The following PARP1 variants were observed in gnomAD, a reference collection of about 807,000 sequenced individuals.
PARP1 encodes the protein poly(ADP-ribose) polymerase 1, also known as poly [ADP-ribose] polymerase 1.
Under a neutral mutation model 118.7 loss-of-function variants are expected in PARP1, and 44 were observed. The ratio of observed to expected loss-of-function variants is 0.37; its 90% CI spans 0.29 to 0.48. The LOEUF (loss-of-function observed/expected upper bound fraction) is 0.48, where lower values mean the gene tolerates loss of function less well. Ranked by LOEUF, PARP1 falls within the 20% of genes least tolerant of loss-of-function variation. PARP1 has a pLI of 0.99. For synonymous variants in PARP1, 492 were observed against 483.2 expected, an observed-to-expected ratio of 1.02 and a Z score of -0.24; for missense variants, 1,100 against 1,272.4, an observed-to-expected ratio of 0.86 and a Z score of 2.06.
At chr1:226,376,246 TTA>T (rs1664484485) in intron 13 of PARP1, among the ~76,000 whole-genome samples, 1 of 152,188 alleles carries the variant, frequency 6.6e-6, no homozygotes, top group Admixed American at 6.5e-5. Flanking sequence ...TTTTATCTGA[TTA>T]AAAAAGTGAT....
chr1:226,370,205 T>C (rs1262628602), intron 15 of PARP1, among the ~76,000 whole-genome samples: 1 of 152,188 alleles, frequency 6.6e-6, no homozygotes, highest in Non-Finnish European at 1.5e-5. Context: ...GTTTACTAAG[T>C]ATCTGACAAC....
At chr1:226,377,034 G>T in intron 13 of PARP1, 74 bp downstream of exon 13, 1 of 1,277,644 alleles carries the variant, frequency 7.8e-7, no homozygotes, top group Admixed American at 1.7e-5. Flanking sequence ...CCTGATCCAC[G>T]ATGTGGATTT....
At chr1:226,402,535 C>T (rs188622688) in intron 1 of PARP1, among the ~76,000 whole-genome samples, 156 bp from the exon 2 acceptor site, 3 of 152,348 alleles carry the variant, frequency 2.0e-5, no homozygotes, top group African/African-American at 4.8e-5. Context: ...GGACAGCCTC[C>T]GCTCTCACAT....
chr1:226,404,133 T>C (rs775630411), intron 1 of PARP1, among the ~76,000 whole-genome samples: 6 of 150,822 alleles, frequency 4.0e-5, no homozygotes, highest in Admixed American at 6.6e-5. Context: ...ATGCATTTGG[T>C]GATTATTTCA....
intron 9 of PARP1, among the ~76,000 whole-genome samples, 156 bp from the exon 10 acceptor site, chr1:226,380,320 C>T (rs1401730890): frequency 6.6e-6 from 1 of 152,200 alleles, no homozygotes; most frequent in Non-Finnish European, 1.5e-5. Flanking sequence ...GTGTTTTTAT[C>T]AGCAACATTC....
chr1:226,371,773 C>T (rs1384372524), intron 14 of PARP1, among the ~76,000 whole-genome samples: 5 of 152,132 alleles, frequency 3.3e-5, no homozygotes, highest in Non-Finnish European at 5.9e-5. Context: ...CTCTGAAGGG[C>T]GCGACATTTT....
chr1:226,398,167 C>T (rs1664962553), intron 2 of PARP1, among the ~76,000 whole-genome samples: 1 of 152,108 alleles, frequency 6.6e-6, no homozygotes. Context: ...ATTAACTAGA[C>T]TTCACAAAAT....
At chr1:226,383,222 C>A (rs773073135) in intron 7 of PARP1, 39 bp from the exon 8 acceptor site, 1 of 1,582,224 alleles carries the variant, frequency 6.3e-7, no homozygotes, top group Non-Finnish European at 8.7e-7. Flanking sequence ...GCCAGCTCTC[C>A]CTTGAGGTAA....
chr1:226,383,312 A>G, intron 7 of PARP1, 129 bp from the exon 8 acceptor site: 6 of 745,582 alleles, frequency 8.0e-6, no homozygotes, highest in Non-Finnish European at 1.4e-5. Context: ...AGAGTAACAA[A>G]AAATAGAAAA....
chr1:226,368,602 C>A (rs1165429246), intron 15 of PARP1, among the ~76,000 whole-genome samples: 1 of 152,196 alleles, frequency 6.6e-6, no homozygotes, highest in Non-Finnish European at 1.5e-5. Context: ...GAAACCCCGC[C>A]ACAACTATGC....
rs780414075 is a variant in PARP1, at chr1:226,390,525, C to T, written c.502G>A (p.Glu168Lys). 2.5e-6 allele frequency: 4 copies of T among 1,614,232 alleles called. No homozygotes were observed. ...TACTCGGGCCGGAAACCCAGCTCCT[C>T]CCTGTTCTTGACAAAGCAGCCTGGA... Reference protein sequence around the residue: ...YHPGCFVKNREELGFRPEYSA... With the variant: ...YHPGCFVKNRKELGFRPEYSA... The change falls in exon 4 of 23, where the codon GAG becomes AAG. Residue 168 changes from glutamate (E) to lysine (K), a missense_variant. By Grantham distance (56) the Glu-to-Lys change is moderately conservative. Transcript: ENST00000366794.
intron 12 of PARP1, 136 bp downstream of exon 12, chr1:226,379,002 ATTTG>A: frequency 9.8e-7 from 1 of 1,018,964 alleles, no homozygotes; most frequent in South Asian, 1.3e-5. Context: ...AGGCCTTATA[ATTTG>A]TTTTTGATCT....
chr1:226,407,676 C>G (rs892348), intron 1 of PARP1, 134 bp downstream of exon 1: 112,398 of 811,772 alleles, frequency 0.14, 9,815 homozygotes, highest in East Asian at 0.35. Context: ...GCGGCCGCGG[C>G]CCCATAGGCC....
chr1:226,370,721 C>T (rs1009426552), intron 14 of PARP1: 1 of 632,656 alleles, frequency 1.6e-6, no homozygotes, highest in Non-Finnish European at 2.9e-6. Flanking sequence ...AAGATTCTTG[C>T]TCACTTCCTT....
rs766566114 is a variant in PARP1, at chr1:226,368,316, C to T, written c.2160G>A (p.Val720=). ...TCTGAGAGTCGCTGCTGCCCTGAGACACCGCCTGGAGAGGAGGGGACAGAA... is the reference window on the plus strand; with the variant it reads ...TCTGAGAGTCGCTGCTGCCCTGAGATACCGCCTGGAGAGGAGGGGACAGAA... The part of the protein sequence containing the change: ...YSILSEVQQA[V]SQGSSDSQIL... Residue 720 remains valine, a synonymous_variant, in exon 16 of 23, where the codon GTG becomes GTA. Coordinates refer to ENST00000366794, the MANE Select transcript of PARP1 (RefSeq NM_001618.4). 6.2e-7 allele frequency: 1 copy of T among 1,614,082 alleles called. No homozygotes were observed. Among genetic ancestry groups the T allele is most frequent in the Non-Finnish European group, 8.5e-7 (1 of 1,180,040 alleles).
chr1:226,393,761 T>C (rs1664861555), intron 2 of PARP1, among the ~76,000 whole-genome samples: 1 of 152,190 alleles, frequency 6.6e-6, no homozygotes, highest in East Asian at 1.9e-4. Context: ...TGTCTATAAC[T>C]CAACGGGGTC....
At chr1:226,395,969 T>C (rs1327767241) in intron 2 of PARP1, among the ~76,000 whole-genome samples, 2 of 152,140 alleles carry the variant, frequency 1.3e-5, no homozygotes, top group Admixed American at 6.5e-5. Context: ...TTTGGGAAGA[T>C]GAAAAAGTTC....
Position 226,380,172 on chromosome 1 carries a change from A to C in PARP1, c.1301-8T>G. 1 of 1,613,972 alleles carries C rather than the reference A, an allele frequency of 6.2e-7. No homozygotes were observed. The highest frequency in any genetic ancestry group is 8.5e-7 in the Non-Finnish European group (1 of 1,179,986). ...TCATCTTTTCCACCTCCTCTGTTCAAATTGAAAGGAAAAAAAACCAAAATA... is the reference window on the plus strand; with the variant it reads ...TCATCTTTTCCACCTCCTCTGTTCACATTGAAAGGAAAAAAAACCAAAATA... On this transcript the variant is annotated splice_polypyrimidine_tract_variant and splice_region_variant and intron_variant, in intron 9 of 22. Coordinates refer to ENST00000366794, the MANE Select transcript of PARP1 (RefSeq NM_001618.4).
rs915410526 is a variant in PARP1, at chr1:226,395,697, A to G, written c.287-3383T>C. On this transcript the variant is annotated intron_variant, in intron 2 of 22. Transcript: ENST00000366794. The stretch of plus-strand genomic sequence containing the variant: ...CACCTAAATTTCCACAGACATACAA[A>G]TGGGCAAATGAAATATGGCATATTC... 1.4e-4 allele frequency among the ~76,000 whole-genome samples: 22 copies of G among 152,230 alleles called. 1 individual carries two copies. Among genetic ancestry groups the G allele is most frequent in the Non-Finnish European group, 7.3e-5 (5 of 68,028 alleles).
Sources: allele counts gnomAD v4.1 joint callset (sites outside exome capture counted in the v4.1 genomes callset), GRCh38; gene constraint gnomAD v4.1.1; transcripts MANE v1.5; gene names NCBI Gene and HGNC (gene_info 2026-07-23, HGNC 2026-07-21).